SKAP2: variants seen among roughly 807,000 people sequenced by gnomAD.
SKAP2 encodes src kinase associated phosphoprotein 2.
In SKAP2, 28 loss-of-function variants were observed where a neutral mutation model predicts 54.9. That is an observed-to-expected ratio of 0.51 (90% CI 0.38 to 0.70). The LOEUF is 0.70. SKAP2 is among the 30% of genes least tolerant of loss of function. The pLI, the probability that SKAP2 is intolerant of heterozygous loss-of-function variation, is 0.00. For missense variants in SKAP2, 356 were observed against 424.1 expected (o/e 0.84, Z 1.41); for synonymous variants, 137 against 134.3 (o/e 1.02, Z -0.14).
At position 26,839,017 on chromosome 7, in the gene SKAP2, G is replaced by A. The variant is rs142825539; in HGVS notation, c.307+5013C>T. ...ACTGCTAATTTGCTGAATTAAAGAT[G>A]CATTATTTTTCATAATGTTGAGTTT... On this transcript the variant is annotated intron_variant, in intron 4 of 12. Coordinates refer to ENST00000345317, the MANE Select transcript of SKAP2 (RefSeq NM_003930.5). 4.7e-4 allele frequency among the ~76,000 whole-genome samples: 72 copies of A among 152,180 alleles called. 1 individual carries two copies. In the East Asian group the frequency reaches 0.014, roughly 29 times the overall value.
chr7:26,751,240 C>A (rs572878391), intron 4 of SKAP2, among the ~76,000 whole-genome samples: 45 of 151,944 alleles, frequency 3.0e-4, no homozygotes, highest in African/African-American at 1.0e-3. Context: ...CCCAAAACAA[C>A]CTTATTATTG....
At chr7:26,656,708 A>C in the SKAP2 span, among the ~76,000 whole-genome samples, 2 of 152,232 alleles carry the variant, frequency 1.3e-5, no homozygotes, top group African/African-American at 2.4e-5. Context: ...AGAGCAGGTA[A>C]CTGGGTTTGA....
At chr7:26,770,104 T>C (rs1364966476) in intron 4 of SKAP2, among the ~76,000 whole-genome samples, 1 of 152,168 alleles carries the variant, frequency 6.6e-6, no homozygotes, top group Non-Finnish European at 1.5e-5. Flanking sequence ...GAGTTTTATC[T>C]ATAAGCCCCT....
chr7:26,859,161 T>C (rs1289502315), intron 1 of SKAP2, among the ~76,000 whole-genome samples: 1 of 151,860 alleles, frequency 6.6e-6, no homozygotes, highest in African/African-American at 2.4e-5. Flanking sequence ...TCCACATCTC[T>C]CTCTACATTG....
intron 4 of SKAP2, among the ~76,000 whole-genome samples, chr7:26,741,107 A>C (rs1354412878): frequency 2.0e-5 from 3 of 152,256 alleles, no homozygotes; most frequent in African/African-American, 7.2e-5. Context: ...TAGTTTCAGT[A>C]CAACTTAGGA....
chr7:26,736,553 C>T (rs1269301688), intron 6 of SKAP2, among the ~76,000 whole-genome samples: 1 of 152,214 alleles, frequency 6.6e-6, no homozygotes, highest in Non-Finnish European at 1.5e-5. Flanking sequence ...AGCAGCTGAG[C>T]AGCCTATGCT....
chr7:26,858,121 T>C (rs1268146024), intron 1 of SKAP2: 1 of 152,176 alleles, frequency 6.6e-6, no homozygotes, highest in African/African-American at 2.4e-5. Context: ...GAGAGAAGCG[T>C]GGGAGGCCCA....
intron 9 of SKAP2, among the ~76,000 whole-genome samples, chr7:26,702,073 G>A (rs1277781157): frequency 6.6e-6 from 1 of 152,034 alleles, no homozygotes; most frequent in Non-Finnish European, 1.5e-5. Context: ...AGTGGACACC[G>A]TATCAGTTTC....
At chr7:26,835,078 G>T (rs1022635840) in intron 4 of SKAP2, among the ~76,000 whole-genome samples, 1 of 152,086 alleles carries the variant, frequency 6.6e-6, no homozygotes, top group African/African-American at 2.4e-5. Flanking sequence ...CACATAAACA[G>T]AACTAATGAC....
intron 9 of SKAP2, among the ~76,000 whole-genome samples, chr7:26,713,663 G>A (rs906301529): frequency 5.3e-5 from 8 of 151,690 alleles, no homozygotes; most frequent in African/African-American, 1.9e-4. Context: ...GCAGTGGCGC[G>A]ATCTCGGCTC....
At chr7:26,677,445 G>C (rs1211737048) in intron 11 of SKAP2, among the ~76,000 whole-genome samples, 1 of 150,120 alleles carries the variant, frequency 6.7e-6, no homozygotes, top group Non-Finnish European at 1.5e-5. Flanking sequence ...GATGTCTATT[G>C]GCTCTATGCT....
At chr7:26,743,930 T>G (rs950468378) in intron 4 of SKAP2, among the ~76,000 whole-genome samples, 1 of 152,176 alleles carries the variant, frequency 6.6e-6, no homozygotes, top group Non-Finnish European at 1.5e-5. Context: ...ATAAGGTAAC[T>G]GATTCTAAAA....
At chr7:26,747,565 A>T (rs935387639) in intron 4 of SKAP2, among the ~76,000 whole-genome samples, 1 of 152,200 alleles carries the variant, frequency 6.6e-6, no homozygotes, top group Non-Finnish European at 1.5e-5. Flanking sequence ...GTTAGGGTGG[A>T]AATTTTCACT....
At chr7:26,854,099 G>GA in intron 3 of SKAP2, 38 bp downstream of exon 3, 2 of 1,476,732 alleles carry the variant, frequency 1.4e-6, no homozygotes, top group Non-Finnish European at 1.9e-6. Context: ...TTCCACAGAG[G>GA]AAAAAAATTT....
chr7:26,810,417 G>A (rs1584403306), intron 4 of SKAP2, among the ~76,000 whole-genome samples: 1 of 152,154 alleles, frequency 6.6e-6, no homozygotes, highest in East Asian at 1.9e-4. Context: ...AGACACTGAG[G>A]AATAGGAGGA....
intron 4 of SKAP2, among the ~76,000 whole-genome samples, chr7:26,838,475 A>C (rs556500377): frequency 6.6e-6 from 1 of 152,294 alleles, no homozygotes; most frequent in African/African-American, 2.4e-5. Flanking sequence ...ACATACCAGA[A>C]AATAAAAATC....
chr7:26,712,849 T>C (rs931128118), intron 9 of SKAP2, among the ~76,000 whole-genome samples: 3 of 152,214 alleles, frequency 2.0e-5, no homozygotes, highest in African/African-American at 7.2e-5. Flanking sequence ...ATGTGGAAGG[T>C]ATAAAGTTGT....
chr7:26,693,976 A>T (rs996800820), intron 9 of SKAP2, among the ~76,000 whole-genome samples: 1 of 152,192 alleles, frequency 6.6e-6, no homozygotes, highest in African/African-American at 2.4e-5. Flanking sequence ...GGATTAAAAA[A>T]ATCATACAAA....
intron 4 of SKAP2, among the ~76,000 whole-genome samples, chr7:26,821,338 G>C (rs887192914): frequency 2.0e-5 from 3 of 152,050 alleles, no homozygotes; most frequent in South Asian, 4.1e-4. Flanking sequence ...AAATGACCAA[G>C]ATAAAATGTA....
Sources: allele counts gnomAD v4.1 joint callset (sites outside exome capture counted in the v4.1 genomes callset), GRCh38; gene constraint gnomAD v4.1.1; transcripts MANE v1.5; gene names NCBI Gene and HGNC (gene_info 2026-07-23, HGNC 2026-07-21).